The following CFI variants were observed in gnomAD, a reference collection of about 807,000 sequenced individuals.
The protein encoded by CFI is complement factor I.
CFI carries 66 observed loss-of-function variants against 78.8 expected under a neutral mutation model. The ratio of observed to expected loss-of-function variants is 0.84; its 90% CI spans 0.69 to 1.03. The LOEUF (loss-of-function observed/expected upper bound fraction) is 1.03, where lower values mean the gene tolerates loss of function less well. Among genes scored for constraint, CFI ranks in the 50% least tolerant of loss-of-function variants. The probability of loss-of-function intolerance (pLI) is 0.00; values close to 1 mark genes in which losing one functional copy is unlikely to be tolerated. For synonymous variants in CFI, 250 were observed against 232.6 expected, an observed-to-expected ratio of 1.07 and a Z score of -0.68; for missense variants, 706 against 704.5, an observed-to-expected ratio of 1.00 and a Z score of -0.02.
At chr4:109,776,480 A>C (rs1002619482) in intron 1 of CFI, among the ~76,000 whole-genome samples, 3 of 152,214 alleles carry the variant, frequency 2.0e-5, no homozygotes, top group South Asian at 2.1e-4. Flanking sequence ...TGTGAAAAGA[A>C]CAAATCTACA....
chr4:109,734,574 C>T, the CFI span, among the ~76,000 whole-genome samples: 6 of 152,194 alleles, frequency 3.9e-5, 1 homozygote, highest in African/African-American at 7.2e-5. Context: ...GAGGCCAAGG[C>T]GGGCAGATCA....
At chr4:109,741,425 G>C in intron 12 of CFI, 2 of 856,886 alleles carry the variant, frequency 2.3e-6, no homozygotes, top group Non-Finnish European at 2.8e-6. Context: ...TGATGGGACT[G>C]CCTAGTGCTT....
intron 11 of CFI, 112 bp downstream of exon 11, chr4:109,746,110 T>C (rs1724380112): frequency 7.8e-7 from 1 of 1,276,962 alleles, no homozygotes; most frequent in Non-Finnish European, 1.1e-6. Flanking sequence ...TTTACTTTTC[T>C]GGATATGATG....
rs1464174725 is a variant in CFI at position 109,746,238 on chromosome 4, G to A, written c.1413C>T (p.Gly471=). 1.2e-6 allele frequency: 2 copies of A among 1,614,114 alleles called. No individual in the cohort carries two copies. Among genetic ancestry groups the A allele is most frequent in the South Asian group, 2.2e-5 (2 of 91,078 alleles). The change falls in exon 11 of 13, where the codon GGC becomes GGT. Residue 471 remains glycine, a synonymous_variant. Transcript: ENST00000394634. ...AACATATACCTTTTTCTCGTCCCCA[G>A]CCAGAAACGATGCATGTATCATTAG... ...FQPNDTCIVS[G]WGREKDNERV... is the part of the protein sequence containing the mutation.
intron 1 of CFI, among the ~76,000 whole-genome samples, chr4:109,797,205 TA>T (rs1329105734): frequency 5.9e-5 from 9 of 152,146 alleles, no homozygotes; most frequent in African/African-American, 2.2e-4. Flanking sequence ...ATCAAAACAA[TA>T]TGGTACTCTC....
the CFI span, among the ~76,000 whole-genome samples, chr4:109,731,458 A>G: frequency 6.6e-6 from 1 of 152,258 alleles, no homozygotes; most frequent in Non-Finnish European, 1.5e-5. Context: ...TGAGCTTATA[A>G]TAAACGTTCA....
intron 1 of CFI, among the ~76,000 whole-genome samples, chr4:109,771,714 C>CA (rs149565381): frequency 0.015 from 268 of 18,116 alleles, 70 homozygotes; most frequent in East Asian, 0.028. Flanking sequence ...ACTCCATCAC[C>CA]AAAAAAAAAA....
At chr4:109,764,395 C>A in intron 3 of CFI, 142 bp downstream of exon 3, 1 of 930,172 alleles carries the variant, frequency 1.1e-6, no homozygotes, top group South Asian at 1.3e-5. Flanking sequence ...TGCATATCAT[C>A]CTCATAACAA....
At chr4:109,781,240 T>C (rs1016505051) in intron 1 of CFI, among the ~76,000 whole-genome samples, 2 of 151,964 alleles carry the variant, frequency 1.3e-5, no homozygotes, top group Non-Finnish European at 2.9e-5. Flanking sequence ...TTTAAAAATA[T>C]AAATAAAATT....
At chr4:109,779,861 C>A (rs1729767051) in intron 1 of CFI, among the ~76,000 whole-genome samples, 1 of 152,080 alleles carries the variant, frequency 6.6e-6, no homozygotes, top group Non-Finnish European at 1.5e-5. Flanking sequence ...TTTGACAAAC[C>A]TGACAACAAG....
chr4:109,801,350 T>C (rs1361122819), intron 1 of CFI, among the ~76,000 whole-genome samples: 1 of 152,230 alleles, frequency 6.6e-6, no homozygotes, highest in African/African-American at 2.4e-5. Context: ...GAATTAAACG[T>C]TCAGCTCAAA....
chr4:109,734,356 C>G, the CFI span, among the ~76,000 whole-genome samples: 1 of 151,800 alleles, frequency 6.6e-6, no homozygotes, highest in African/African-American at 2.4e-5. Flanking sequence ...CAAAGAAAGA[C>G]AGAACCACCC....
chr4:109,761,486 A>C, intron 4 of CFI, 31 bp downstream of exon 4: 2 of 1,608,420 alleles, frequency 1.2e-6, no homozygotes, highest in Non-Finnish European at 1.7e-6. Flanking sequence ...CCTTCAAGGA[A>C]GGGAAAATAA....
chr4:109,795,189 G>A (rs867891464), intron 1 of CFI, among the ~76,000 whole-genome samples: 1 of 152,134 alleles, frequency 6.6e-6, no homozygotes, highest in Non-Finnish European at 1.5e-5. Flanking sequence ...CTGGGCACTG[G>A]CATCAAGACT....
intron 1 of CFI, among the ~76,000 whole-genome samples, chr4:109,790,897 C>T (rs185558314): frequency 1.2e-3 from 176 of 152,122 alleles, no homozygotes; most frequent in Admixed American, 2.9e-3. Flanking sequence ...TGAATAGTGC[C>T]GCAATGAACA....
chr4:109,785,434 C>T (rs1560562813), intron 1 of CFI, among the ~76,000 whole-genome samples: 1 of 152,004 alleles, frequency 6.6e-6, no homozygotes, highest in Non-Finnish European at 1.5e-5. Context: ...CAGCAGTGCA[C>T]TTATTATTTA....
intron 1 of CFI, among the ~76,000 whole-genome samples, chr4:109,776,621 A>C (rs1729278577): frequency 6.6e-6 from 1 of 152,218 alleles, no homozygotes; most frequent in African/African-American, 2.4e-5. Context: ...AATACAGAGA[A>C]TGCCACAAAG....
chr4:109,796,399 TG>T (rs1732063364), intron 1 of CFI, among the ~76,000 whole-genome samples: 1 of 152,142 alleles, frequency 6.6e-6, no homozygotes, highest in Non-Finnish European at 1.5e-5. Context: ...CAAGTTGAAA[TG>T]AAAAGATGAT....
intron 1 of CFI, among the ~76,000 whole-genome samples, chr4:109,789,864 T>C (rs1391227405): frequency 6.6e-6 from 1 of 152,106 alleles, no homozygotes; most frequent in Non-Finnish European, 1.5e-5. Context: ...CTCTTTACCT[T>C]TTGAAAGTGT....
Sources: allele counts gnomAD v4.1 joint callset (sites outside exome capture counted in the v4.1 genomes callset), GRCh38; gene constraint gnomAD v4.1.1; transcripts MANE v1.5; gene names NCBI Gene and HGNC (gene_info 2026-07-23, HGNC 2026-07-21).